PHLPP2: variants seen among roughly 807,000 people sequenced by gnomAD.
PHLPP2 encodes the protein PH domain and leucine rich repeat protein phosphatase 2.
In PHLPP2, 66 loss-of-function variants were observed where a neutral mutation model predicts 124.9. The observed-to-expected ratio is 0.53, with a 90% CI of 0.43 to 0.65. The LOEUF (loss-of-function observed/expected upper bound fraction) is 0.65. Ranked by LOEUF, PHLPP2 falls within the 30% of genes least tolerant of loss-of-function variation. The probability of loss-of-function intolerance (pLI) is 0.00; values close to 1 mark genes in which losing one functional copy is unlikely to be tolerated. For synonymous variants in PHLPP2, 681 were observed against 624.7 expected (o/e 1.09, Z -1.34); for missense variants, 1,685 against 1,600.4 (o/e 1.05, Z -0.90).
chr16:71,688,640 G>C (rs563817092), intron 4 of PHLPP2, among the ~76,000 whole-genome samples: 1 of 145,496 alleles, frequency 6.9e-6, no homozygotes, highest in African/African-American at 2.6e-5. Flanking sequence ...GTGTGTGAGA[G>C]GGAGTTTACA....
chr16:71,653,264 C>T (rs1431522221), intron 17 of PHLPP2, among the ~76,000 whole-genome samples: 1 of 152,024 alleles, frequency 6.6e-6, no homozygotes, highest in Non-Finnish European at 1.5e-5. Flanking sequence ...TTGCATCTTT[C>T]TCCATAGCTT....
chr16:71,696,931 T>G (rs960359365), intron 3 of PHLPP2, among the ~76,000 whole-genome samples: 1 of 151,900 alleles, frequency 6.6e-6, no homozygotes, highest in African/African-American at 2.4e-5. Context: ...CCCAGCACAT[T>G]TGGGAGGCCG....
chr16:71,683,129 C>A (rs13380425), intron 5 of PHLPP2, among the ~76,000 whole-genome samples: 1 of 151,556 alleles, frequency 6.6e-6, no homozygotes, highest in African/African-American at 2.4e-5. Flanking sequence ...CAAGACTATA[C>A]CACTGCACTC....
intron 1 of PHLPP2, among the ~76,000 whole-genome samples, chr16:71,718,398 T>G (rs887194067): frequency 6.6e-5 from 10 of 151,512 alleles, no homozygotes; most frequent in African/African-American, 1.7e-4. Flanking sequence ...GCCAACATAG[T>G]GAAACCCCGT....
In PHLPP2 at chr16:71,648,883, G is replaced by A. The variant is rs371565551; in HGVS notation, c.*7C>T. On this transcript the variant is annotated 3_prime_UTR_variant, in exon 19 of 19. Coordinates refer to ENST00000568954, the MANE Select transcript of PHLPP2 (RefSeq NM_015020.3). ...AGCCTCCTCCCACACTGTGCCCAGT[G>A]GGGCAGTCATAGTGCTGTGTCGAAC... is the stretch of plus-strand genomic sequence containing the variant. 6 of 1,602,616 alleles carry A rather than the reference G, an allele frequency of 3.7e-6. No individual in the cohort carries two copies. The African/African-American group carries it at 6.7e-5, about 18-fold the overall frequency.
intron 1 of PHLPP2, among the ~76,000 whole-genome samples, chr16:71,717,172 T>C (rs1406435959): frequency 6.6e-6 from 1 of 152,234 alleles, no homozygotes; most frequent in Non-Finnish European, 1.5e-5. Flanking sequence ...ATACTTTCAG[T>C]AGTATTCCTC....
chr16:71,655,427 C>T lies in PHLPP2; in HGVS notation c.2398G>A (p.Val800Ile), dbSNP rs992085841. Residue 800 changes from valine to isoleucine, a missense_variant, in exon 17 of 19, where the codon GTC becomes ATC. Coordinates refer to ENST00000568954, the MANE Select transcript of PHLPP2 (RefSeq NM_015020.3). ...AAGCTATCCATAGCAAGTGCTGAGA[C>T]ACACAGCCTATAATAGAAACATGAA... Reference protein sequence around the residue: ...EMAGQRNKLCVSALAMDSFAE... With the variant: ...EMAGQRNKLCISALAMDSFAE... 6 of 1,611,744 alleles carry T rather than the reference C, an allele frequency of 3.7e-6. No individual in the cohort carries two copies. The highest frequency in any genetic ancestry group is 5.1e-6 in the Non-Finnish European group (6 of 1,178,122).
In PHLPP2 at chr16:71,650,036, T is replaced by A. The variant is rs2044685558; in HGVS notation, c.2826A>T (p.Lys942Asn). 6.2e-7 allele frequency: 1 copy of A among 1,604,192 alleles called. No homozygotes were observed. The highest frequency in any genetic ancestry group is 8.5e-7 in the Non-Finnish European group (1 of 1,178,064). ...DQKAIITEDNKVNGVTCCTRM... is the reference protein window; with the variant it reads ...DQKAIITEDNNVNGVTCCTRM... ...GGGTACAGCAGGTTACCCCATTCAC[T>A]TTGTTGTCCTACAGAAGAGCAGGAC... Residue 942 changes from lysine (K) to asparagine (N), a missense_variant, in exon 19 of 19, where the codon AAA (lysine) becomes AAT (asparagine). Physicochemically the swap from Lys to Asn is moderately conservative, Grantham distance 94. Coordinates refer to ENST00000568954, the MANE Select transcript of PHLPP2 (RefSeq NM_015020.3).
chr16:71,668,280 G>A (rs2044856925), intron 11 of PHLPP2, among the ~76,000 whole-genome samples: 1 of 151,860 alleles, frequency 6.6e-6, no homozygotes, highest in South Asian at 2.1e-4. Flanking sequence ...GCCGGGCGTG[G>A]CAGCATGTGC....
chr16:71,702,882 T>G (rs986132951), intron 2 of PHLPP2, 151 bp from the exon 3 acceptor site: 2 of 535,096 alleles, frequency 3.7e-6, no homozygotes, highest in South Asian at 5.9e-5. Flanking sequence ...TCTGGGCTTT[T>G]AGTGTAATCC....
intron 1 of PHLPP2, among the ~76,000 whole-genome samples, chr16:71,718,447 G>A (rs2045377525): frequency 6.6e-6 from 1 of 151,620 alleles, no homozygotes; most frequent in African/African-American, 2.4e-5. Context: ...GGGCGTGGTG[G>A]TGCACGCCTG....
Position 71,649,582 on chromosome 16 carries a change from C to G in PHLPP2, c.3280G>C (p.Gly1094Arg), listed in dbSNP as rs758593281. ...TTATGCTCATCAGAAGCAGTGGACC[C>G]CACTTCACTGCTCACCTCTGAGGTG... is the stretch of plus-strand genomic sequence containing the variant. ...MSTSEVSSEV[G>R]STASDEHNAG... Residue 1094 changes from glycine (G) to arginine (R), a missense_variant, in exon 19 of 19, where the codon GGG becomes CGG. By Grantham distance (125) the Gly-to-Arg change is moderately radical. Transcript: ENST00000568954. 1.9e-6 allele frequency: 3 copies of G among 1,613,724 alleles called. No individual in the cohort carries two copies. Among genetic ancestry groups the G allele is most frequent in the Non-Finnish European group, 2.5e-6 (3 of 1,179,740 alleles).
intron 2 of PHLPP2, among the ~76,000 whole-genome samples, chr16:71,703,738 G>T (rs1467835091): frequency 6.6e-6 from 1 of 152,096 alleles, no homozygotes; most frequent in African/African-American, 2.4e-5. Flanking sequence ...TCAGTATCAT[G>T]GGAATAGCAA....
At chr16:71,653,099 C>A in intron 17 of PHLPP2, 78 bp from the exon 18 acceptor site, 73 of 547,588 alleles carry the variant, frequency 1.3e-4, no homozygotes, top group Non-Finnish European at 2.0e-4. Flanking sequence ...TACATCCCTT[C>A]TTTTTTTTTT....
intron 17 of PHLPP2, among the ~76,000 whole-genome samples, chr16:71,653,290 G>T (rs2044711438): frequency 6.6e-6 from 1 of 151,918 alleles, no homozygotes; most frequent in African/African-American, 2.4e-5. Context: ...TCTGATCAAA[G>T]ACTTCCTAAT....
Position 71,663,884 on chromosome 16 carries a change from T to C in PHLPP2, c.1985+15A>G. The C allele has an allele frequency of 6.3e-7, 1 of 1,590,062 alleles. No homozygotes were observed. Among genetic ancestry groups the C allele is most frequent in the Non-Finnish European group, 8.6e-7 (1 of 1,157,970 alleles). On this transcript the variant is annotated intron_variant, in intron 13 of 18. Transcript: ENST00000568954. The stretch of plus-strand genomic sequence containing the variant: ...GTTGTGTATTTGAAATGATCAAAGT[T>C]TGCATTCATTTTACCTTGCAGGAAA...
At chr16:71,698,314 C>T (rs1275172603) in intron 3 of PHLPP2, among the ~76,000 whole-genome samples, 1 of 152,186 alleles carries the variant, frequency 6.6e-6, no homozygotes, top group African/African-American at 2.4e-5. Flanking sequence ...AATTCATCTG[C>T]ATTGAACTTG....
rs768792397 is a variant in PHLPP2, at chr16:71,656,670, G to A, written c.2291C>T (p.Thr764Ile). ...CAAAGGTTTCTGATCAATTTTCAGG[G>A]TTGTGATATGGCTGTGGGAGGTGAA... ...KTLDIFSHITTLKIDQKPLPT... is the reference protein window; with the variant it reads ...KTLDIFSHITILKIDQKPLPT... Residue 764 changes from threonine (T) to isoleucine (I), a missense_variant, in exon 16 of 19, where the codon ACC becomes ATC. By Grantham distance (89) the Thr-to-Ile change is moderately conservative. Transcript: ENST00000568954. The A allele has an allele frequency of 6.2e-6, 10 of 1,601,410 alleles. No individual in the cohort carries two copies. In the East Asian group the frequency reaches 1.8e-4, roughly 29 times the overall value.
intron 11 of PHLPP2, among the ~76,000 whole-genome samples, chr16:71,668,070 A>G (rs947379596): frequency 6.6e-6 from 1 of 152,016 alleles, no homozygotes; most frequent in Non-Finnish European, 1.5e-5. Flanking sequence ...TAATTATTCA[A>G]ATTTCTTCTG....
Sources: allele counts gnomAD v4.1 joint callset (sites outside exome capture counted in the v4.1 genomes callset), GRCh38; gene constraint gnomAD v4.1.1; transcripts MANE v1.5; gene names NCBI Gene and HGNC (gene_info 2026-07-23, HGNC 2026-07-21).